Variants in JAK1 observed in about 807,000 individuals in gnomAD.
JAK1 encodes tyrosine-protein kinase JAK1.
JAK1 carries 16 observed loss-of-function variants against 136.6 expected under a neutral mutation model. The observed-to-expected ratio is 0.12, with a 90% CI of 0.08 to 0.18. The LOEUF (loss-of-function observed/expected upper bound fraction) is 0.18. JAK1 is among the 10% of genes least tolerant of loss of function. JAK1 has a pLI of 1.00. For missense variants in JAK1, 859 were observed against 1,450.1 expected, an observed-to-expected ratio of 0.59 and a Z score of 6.62; for synonymous variants, 492 against 519.5, an observed-to-expected ratio of 0.95 and a Z score of 0.72.
intron 1 of JAK1, among the ~76,000 whole-genome samples, chr1:64,930,620 C>T (rs998732674): frequency 1.4e-4 from 21 of 152,180 alleles, no homozygotes; most frequent in African/African-American, 5.1e-4. Context: ...ACTAGAAATA[C>T]CATTTGACCC....
intron 12 of JAK1, 31 bp downstream of exon 12, chr1:64,850,773 A>G: frequency 6.8e-7 from 1 of 1,471,938 alleles, no homozygotes; most frequent in Admixed American, 1.7e-5. Flanking sequence ...GCAGGACCAC[A>G]GCTGGCCCAC....
chr1:65,064,325 C>A (rs1198029673), intron 1 of JAK1, among the ~76,000 whole-genome samples: 2 of 152,170 alleles, frequency 1.3e-5, no homozygotes, highest in Non-Finnish European at 2.9e-5. Context: ...CATATTAGGG[C>A]AGGTATCCTG....
At chr1:64,857,512 T>C in intron 10 of JAK1, 144 bp downstream of exon 10, 1 of 1,138,626 alleles carries the variant, frequency 8.8e-7, no homozygotes, top group Non-Finnish European at 1.2e-6. Context: ...GGCCCTTGCC[T>C]GACCTCCCAG....
intron 19 of JAK1, among the ~76,000 whole-genome samples, chr1:64,840,194 G>A (rs310244): frequency 0.19 from 28,719 of 152,132 alleles, 2,929 homozygotes; most frequent in Non-Finnish European, 0.2. Context: ...TAGAAGACGT[G>A]AGATCAGGTT....
chr1:65,019,865 G>A (rs1000201705), intron 2 of JAK1, among the ~76,000 whole-genome samples: 3 of 151,660 alleles, frequency 2.0e-5, no homozygotes, highest in South Asian at 2.1e-4. Context: ...GCAGTGAGCC[G>A]AGATCATGCC....
At chr1:64,880,061 A>AGGTAATATGAGGTAAT (rs1644745914) in intron 3 of JAK1, among the ~76,000 whole-genome samples, 2 of 152,344 alleles carry the variant, frequency 1.3e-5, no homozygotes, top group South Asian at 2.1e-4. Flanking sequence ...ATGAGGTAAT[A>AGGTAATATGAGGTAAT]GGCACTTGTT....
chr1:64,854,241 G>A (rs911714528), intron 11 of JAK1, among the ~76,000 whole-genome samples: 1 of 152,102 alleles, frequency 6.6e-6, no homozygotes, highest in Admixed American at 6.5e-5. Context: ...GCCCACTCCT[G>A]GTGGTGTGAG....
chr1:64,841,291 G>T lies in JAK1; in HGVS notation c.2603C>A (p.Thr868Lys). ...EKKPATEVDP[T>K]HFEKRFLKRI... is the part of the protein sequence containing the mutation. ...CTTTAGGAAGCGCTTTTCAAAATGT[G>T]TGGGGTCCACTTCAGTTGCTGGTTT... The change falls in exon 19 of 25, where the codon ACA becomes AAA. Residue 868 changes from threonine to lysine, a missense_variant. Transcript: ENST00000342505. The T allele has an allele frequency of 6.2e-7, 1 of 1,614,134 alleles. No homozygotes were observed. Among genetic ancestry groups the T allele is most frequent in the Non-Finnish European group, 8.5e-7 (1 of 1,179,984 alleles).
intron 1 of JAK1, among the ~76,000 whole-genome samples, chr1:64,931,134 A>G (rs1216365586): frequency 6.6e-6 from 1 of 152,166 alleles, no homozygotes; most frequent in East Asian, 1.9e-4. Context: ...GTATCCCAGA[A>G]CTTAATGTAT....
chr1:65,045,088 G>A (rs375436814), intron 1 of JAK1, among the ~76,000 whole-genome samples: 4 of 152,298 alleles, frequency 2.6e-5, no homozygotes, highest in East Asian at 1.9e-4. Context: ...CACGGTCCTC[G>A]GTCAGCACCG....
chr1:64,985,674 T>A (rs970957091), intron 2 of JAK1: 1 of 724,462 alleles, frequency 1.4e-6, no homozygotes, highest in Non-Finnish European at 2.5e-6. Flanking sequence ...GTCTCCGATG[T>A]ACGTGGGCAC....
At chr1:64,929,217 A>G (rs1261089408) in intron 1 of JAK1, among the ~76,000 whole-genome samples, 3 of 152,382 alleles carry the variant, frequency 2.0e-5, no homozygotes, top group East Asian at 1.9e-4. Flanking sequence ...AAATGAATTC[A>G]TAACAGGCTG....
intron 2 of JAK1, among the ~76,000 whole-genome samples, chr1:65,038,522 C>A (rs553865524): frequency 4.0e-5 from 6 of 151,784 alleles, no homozygotes; most frequent in African/African-American, 1.2e-4. Flanking sequence ...ATTCTTAATA[C>A]TTTTTTGAAG....
chr1:64,911,720 G>A (rs61784741), intron 1 of JAK1, among the ~76,000 whole-genome samples: 7,675 of 152,150 alleles, frequency 0.05, 348 homozygotes, highest in African/African-American at 0.12. Flanking sequence ...AGCAATAAAA[G>A]TTGAAAACAT....
chr1:64,913,099 A>G (rs1645311993), intron 1 of JAK1, among the ~76,000 whole-genome samples: 2 of 152,144 alleles, frequency 1.3e-5, no homozygotes, highest in South Asian at 4.1e-4. Flanking sequence ...GCTCACTGCA[A>G]TCTTGGCCTC....
intron 1 of JAK1, among the ~76,000 whole-genome samples, chr1:65,061,082 G>A (rs1647772200): frequency 6.6e-6 from 1 of 152,116 alleles, no homozygotes; most frequent in Admixed American, 6.6e-5. Flanking sequence ...TACAAAACCA[G>A]GCACTTATAG....
At chr1:65,054,935 G>A (rs1007157225) in intron 1 of JAK1, among the ~76,000 whole-genome samples, 1 of 152,146 alleles carries the variant, frequency 6.6e-6, no homozygotes, top group African/African-American at 2.4e-5. Flanking sequence ...ATCTTCACAC[G>A]GAAAACTAAG....
Position 64,834,125 on chromosome 1 carries a change from T to C in JAK1, c.*437A>G, listed in dbSNP as rs1337933537. On this transcript the variant is annotated 3_prime_UTR_variant, in exon 25 of 25. Transcript: ENST00000342505. Reference sequence around the variant, plus strand: ...TTTGAGGGCTAAGTCCATCAATCTTTCTTTATCTATGATTAATGTGCCAGC... The same window carrying C: ...TTTGAGGGCTAAGTCCATCAATCTTCCTTTATCTATGATTAATGTGCCAGC... 4.0e-6 allele frequency: 1 copy of C among 247,598 alleles called. No homozygotes were observed. The highest frequency in any genetic ancestry group is 2.2e-5 in the African/African-American group (1 of 45,586). 15.3% of individuals were successfully genotyped at this position (247,598 alleles called of 1,614,324 possible). A position where few individuals can be genotyped will look rare whatever the true frequency, so the allele number is the denominator to read the frequency against.
At chr1:65,025,181 T>A (rs1365417871) in intron 2 of JAK1, among the ~76,000 whole-genome samples, 2 of 151,940 alleles carry the variant, frequency 1.3e-5, no homozygotes, top group Non-Finnish European at 2.9e-5. Context: ...GACTTACGGG[T>A]CCTGACTGAT....
Sources: allele counts gnomAD v4.1 joint callset (sites outside exome capture counted in the v4.1 genomes callset), GRCh38; gene constraint gnomAD v4.1.1; transcripts MANE v1.5; gene names NCBI Gene and HGNC (gene_info 2026-07-23, HGNC 2026-07-21).